FNDC3A: variants seen among roughly 807,000 people sequenced by gnomAD.
The protein encoded by FNDC3A is fibronectin type III domain containing 3A.
Under a neutral mutation model 148.9 loss-of-function variants are expected in FNDC3A, and 32 were observed. The observed-to-expected ratio is 0.21, with a 90% CI of 0.16 to 0.29. The LOEUF (loss-of-function observed/expected upper bound fraction) is 0.29. FNDC3A is among the 10% of genes least tolerant of loss of function. FNDC3A has a pLI of 1.00. For missense variants in FNDC3A, 1,191 were observed against 1,452.8 expected (o/e 0.82, Z 2.93); for synonymous variants, 472 against 473.6 (o/e 1.00, Z 0.04).
intron 10 of FNDC3A, among the ~76,000 whole-genome samples, chr13:49,169,193 A>G (rs1203494082): frequency 1.3e-5 from 2 of 152,228 alleles, no homozygotes; most frequent in Admixed American, 1.3e-4. Context: ...GTTTGGTCCT[A>G]GCTACACAAG....
At chr13:49,011,195 C>T (rs1952335790) in intron 2 of FNDC3A, among the ~76,000 whole-genome samples, 1 of 151,824 alleles carries the variant, frequency 6.6e-6, no homozygotes, top group Non-Finnish European at 1.5e-5. Flanking sequence ...ATATTCTCTC[C>T]TGTTCCCCTG....
chr13:49,115,271 G>A (rs1237337598), intron 4 of FNDC3A, among the ~76,000 whole-genome samples: 1 of 151,726 alleles, frequency 6.6e-6, no homozygotes, highest in Non-Finnish European at 1.5e-5. Context: ...CTGACCTTAA[G>A]TATAGTAATT....
intron 5 of FNDC3A, among the ~76,000 whole-genome samples, chr13:49,135,523 G>A (rs1882304838): frequency 1.3e-5 from 2 of 152,112 alleles, no homozygotes; most frequent in Non-Finnish European, 2.9e-5. Flanking sequence ...TGTATATGGT[G>A]TGAGGTAGAG....
intron 3 of FNDC3A, among the ~76,000 whole-genome samples, chr13:49,104,651 T>A (rs1880060000): frequency 6.6e-6 from 1 of 152,166 alleles, no homozygotes; most frequent in Non-Finnish European, 1.5e-5. Flanking sequence ...AAAAAGATCT[T>A]CTGTAAGAAT....
In FNDC3A at chr13:49,136,313, T is replaced by A. The variant is rs201895066; in HGVS notation, c.491-19T>A. On this transcript the variant is annotated intron_variant, in intron 5 of 25. Transcript: ENST00000492622. ...GGAGAAAGTGATCTTCTTAACATTT[T>A]GTTTTTATTGCCTCCTAGATGCTCA... 1 of 1,594,382 alleles carries A rather than the reference T, an allele frequency of 6.3e-7. No homozygotes were observed. Among genetic ancestry groups the A allele is most frequent in the Non-Finnish European group, 8.6e-7 (1 of 1,167,700 alleles).
At chr13:49,021,786 T>A (rs757380362) in intron 2 of FNDC3A, among the ~76,000 whole-genome samples, 1 of 152,214 alleles carries the variant, frequency 6.6e-6, no homozygotes, top group Non-Finnish European at 1.5e-5. Context: ...GTGTCATTCC[T>A]AATGATATCT....
chr13:48,998,093 G>A (rs1489772879), intron 1 of FNDC3A, among the ~76,000 whole-genome samples: 1 of 152,058 alleles, frequency 6.6e-6, no homozygotes, highest in Non-Finnish European at 1.5e-5. Context: ...ATGGAAATGA[G>A]GAGCATGATT....
At chr13:49,170,085 T>C (rs2138050557) in intron 10 of FNDC3A, among the ~76,000 whole-genome samples, 1 of 152,266 alleles carries the variant, frequency 6.6e-6, no homozygotes, top group South Asian at 2.1e-4. Context: ...AACATCCCTA[T>C]ATAAGATGTA....
intron 1 of FNDC3A, among the ~76,000 whole-genome samples, chr13:48,978,310 AAG>A (rs1274600987): frequency 2.6e-5 from 4 of 152,192 alleles, no homozygotes; most frequent in African/African-American, 9.6e-5. Context: ...CCCCGAAAAA[AAG>A]AGGGAATGCA....
At chr13:49,188,664 G>GT (rs1885717270) in intron 17 of FNDC3A, 31 bp downstream of exon 17, 1 of 1,481,632 alleles carries the variant, frequency 6.7e-7, no homozygotes, top group African/African-American at 1.4e-5. Context: ...CTTTTGTGTT[G>GT]TTATTAAGTT....
intron 25 of FNDC3A, among the ~76,000 whole-genome samples, chr13:49,203,773 G>A (rs1886523119): frequency 6.6e-6 from 1 of 152,162 alleles, no homozygotes; most frequent in Admixed American, 6.5e-5. Flanking sequence ...AAGAAGATAC[G>A]CTGAGGCAGG....
At chr13:48,989,337 C>G (rs1487788132) in intron 1 of FNDC3A, among the ~76,000 whole-genome samples, 1 of 152,108 alleles carries the variant, frequency 6.6e-6, no homozygotes, top group Non-Finnish European at 1.5e-5. Flanking sequence ...TGCAAAGAAG[C>G]AGGAAAATAC....
In FNDC3A at chr13:49,154,914, T is replaced by G. The variant is rs1167199012; in HGVS notation, c.977+8979T>G. On this transcript the variant is annotated intron_variant, in intron 8 of 25. Transcript: ENST00000492622. ...GCTTTTTGATGTGCTGCTGGATTCG[T>G]TTTGCCAGTATTTTATTGAGGATTT... 5.2e-3 allele frequency among the ~76,000 whole-genome samples: 394 copies of G among 75,770 alleles called. 2 individuals carry two copies. Among genetic ancestry groups the G allele is most frequent in the Middle Eastern group, 8.6e-3 (2 of 232 alleles). The allele number at this position is 75,770 out of a possible 152,430, so 49.7% of individuals were successfully genotyped here. A position where few individuals can be genotyped will look rare whatever the true frequency, so the allele number is the denominator to read the frequency against.
intron 3 of FNDC3A, among the ~76,000 whole-genome samples, chr13:49,109,267 A>G (rs1198915156): frequency 1.3e-5 from 2 of 152,206 alleles, no homozygotes; most frequent in Non-Finnish European, 2.9e-5. Context: ...CAACCAATAT[A>G]CTTGATACTT....
chr13:49,001,166 C>T (rs896882537), intron 1 of FNDC3A, among the ~76,000 whole-genome samples: 7 of 152,076 alleles, frequency 4.6e-5, no homozygotes, highest in African/African-American at 1.7e-4. Context: ...TTATTAGTTC[C>T]CCAAATTAAT....
chr13:49,073,423 A>C (rs1437210928), intron 2 of FNDC3A, among the ~76,000 whole-genome samples: 1 of 151,910 alleles, frequency 6.6e-6, no homozygotes, highest in South Asian at 2.1e-4. Flanking sequence ...GGGCATCCCT[A>C]ATCTGACAAA....
At chr13:49,017,197 T>A (rs1004995125) in intron 2 of FNDC3A, among the ~76,000 whole-genome samples, 12 of 152,128 alleles carry the variant, frequency 7.9e-5, no homozygotes, top group African/African-American at 2.9e-4. Flanking sequence ...ATGTTGACAG[T>A]GGGGTGTTAA....
chr13:49,118,249 G>A (rs973330113), intron 4 of FNDC3A, among the ~76,000 whole-genome samples: 2 of 152,186 alleles, frequency 1.3e-5, no homozygotes, highest in Admixed American at 6.5e-5. Flanking sequence ...GGAAGCAAAA[G>A]GGGTCGGGGA....
chr13:49,070,388 T>C (rs1310517908), intron 2 of FNDC3A, among the ~76,000 whole-genome samples: 1 of 152,168 alleles, frequency 6.6e-6, no homozygotes, highest in Non-Finnish European at 1.5e-5. Flanking sequence ...ATGTCCAGAA[T>C]ATTGTTTCAA....
Sources: allele counts gnomAD v4.1 joint callset (sites outside exome capture counted in the v4.1 genomes callset), GRCh38; gene constraint gnomAD v4.1.1; transcripts MANE v1.5; gene names NCBI Gene and HGNC (gene_info 2026-07-23, HGNC 2026-07-21).